TNPO1: variants seen among roughly 807,000 people sequenced by gnomAD.
The protein encoded by TNPO1 is transportin-1.
A neutral mutation model predicts 119.5 loss-of-function variants in TNPO1; 8 were observed. That is an observed-to-expected ratio of 0.07 (90% CI 0.04 to 0.12). TNPO1 has a LOEUF of 0.12. Among genes scored for constraint, TNPO1 ranks in the 10% least tolerant of loss-of-function variants. The pLI is 1.00. For synonymous variants in TNPO1, 362 were observed against 363.0 expected (o/e 1.00, Z 0.03); for missense variants, 576 against 1,089.8 (o/e 0.53, Z 6.64).
chr5:72,883,278 T>G (rs1398645648), intron 11 of TNPO1, 46 bp downstream of exon 11: 1 of 855,160 alleles, frequency 1.2e-6, no homozygotes, highest in South Asian at 1.4e-5. Context: ...TGATGATAAC[T>G]TTATTGGGGT....
intron 11 of TNPO1, among the ~76,000 whole-genome samples, chr5:72,885,857 A>T (rs921274117): frequency 2.0e-5 from 3 of 151,014 alleles, no homozygotes; most frequent in Non-Finnish European, 4.4e-5. Context: ...ATTTTGTACT[A>T]CTATAACAGG....
chr5:72,885,233 T>G (rs530978689), intron 11 of TNPO1, among the ~76,000 whole-genome samples: 101 of 152,312 alleles, frequency 6.6e-4, no homozygotes, highest in Admixed American at 2.6e-3. Context: ...ATACCCAAGG[T>G]TAGCATAGCT....
At chr5:72,871,008 C>A (rs371515061) in intron 6 of TNPO1, among the ~76,000 whole-genome samples, 1 of 152,090 alleles carries the variant, frequency 6.6e-6, no homozygotes, top group Admixed American at 6.5e-5. Context: ...CTCTCTCCAT[C>A]GCCCAGGCTA....
chr5:72,847,909 A>C (rs1034692094), intron 1 of TNPO1, among the ~76,000 whole-genome samples: 1 of 152,232 alleles, frequency 6.6e-6, no homozygotes, highest in Admixed American at 6.5e-5. Context: ...TTTTTCGTTA[A>C]TTCACCATGT....
chr5:72,903,560 T>A (rs928286925), intron 22 of TNPO1, 149 bp from the exon 23 acceptor site: 1 of 587,744 alleles, frequency 1.7e-6, no homozygotes, highest in Non-Finnish European at 2.9e-6. Flanking sequence ...GGTAATCTCT[T>A]CTAATTCCTT....
At chr5:72,859,980 TG>T (rs1253272822) in intron 4 of TNPO1, among the ~76,000 whole-genome samples, 1 of 152,220 alleles carries the variant, frequency 6.6e-6, no homozygotes, top group African/African-American at 2.4e-5. Context: ...TTGCTGCTTT[TG>T]GATCTTAATG....
chr5:72,879,710 G>A (rs1748085519), intron 9 of TNPO1, among the ~76,000 whole-genome samples: 4 of 152,208 alleles, frequency 2.6e-5, no homozygotes, highest in Admixed American at 2.6e-4. Flanking sequence ...TTTAGATAAT[G>A]TATTGACAGG....
chr5:72,816,731 G>A lies in TNPO1; in HGVS notation c.-7G>A, dbSNP rs777229547. On this transcript the variant is annotated 5_prime_UTR_variant, in exon 1 of 25. Transcript: ENST00000337273. ...GGCCGAAGGCCCGAGCGCCCGAGGC[G>A]TCTGGGATGGTGTGGGACCGGGTAG... The A allele has an allele frequency of 3.0e-5, 48 of 1,580,792 alleles. No individual in the cohort carries two copies. Among genetic ancestry groups the A allele is most frequent in the Admixed American group, 7.1e-5 (4 of 56,150 alleles).
intron 1 of TNPO1, among the ~76,000 whole-genome samples, chr5:72,829,194 C>T (rs547812426): frequency 6.6e-6 from 1 of 152,288 alleles, no homozygotes; most frequent in African/African-American, 2.4e-5. Context: ...AAGAGTGAAA[C>T]ATTGGAACCA....
At chr5:72,821,872 A>G (rs1743973361) in intron 1 of TNPO1, among the ~76,000 whole-genome samples, 1 of 152,214 alleles carries the variant, frequency 6.6e-6, no homozygotes, top group Admixed American at 6.5e-5. Flanking sequence ...TAAGCGGTTC[A>G]GGGGCCCTGA....
intron 6 of TNPO1, among the ~76,000 whole-genome samples, chr5:72,867,191 A>G (rs931157025): frequency 5.9e-5 from 9 of 151,916 alleles, no homozygotes; most frequent in Non-Finnish European, 8.8e-5. Flanking sequence ...ATTCCTTTCC[A>G]TGAATGTTGA....
At chr5:72,844,801 A>G (rs1188243223) in intron 1 of TNPO1, among the ~76,000 whole-genome samples, 1 of 152,136 alleles carries the variant, frequency 6.6e-6, no homozygotes, top group African/African-American at 2.4e-5. Context: ...TGCTTTTTAA[A>G]CTATATTTTA....
chr5:72,864,920 T>C (rs181434118), intron 5 of TNPO1, among the ~76,000 whole-genome samples: 53 of 152,140 alleles, frequency 3.5e-4, no homozygotes, highest in Non-Finnish European at 6.6e-4. Context: ...AAGTAACTTT[T>C]TAATGGTATT....
At chr5:72,842,581 T>C (rs1318633406) in intron 1 of TNPO1, among the ~76,000 whole-genome samples, 1 of 152,226 alleles carries the variant, frequency 6.6e-6, no homozygotes, top group Non-Finnish European at 1.5e-5. Flanking sequence ...TGGCTCTCTG[T>C]GAAACAGGAC....
chr5:72,858,713 T>C (rs1395909277), intron 4 of TNPO1, among the ~76,000 whole-genome samples: 1 of 152,028 alleles, frequency 6.6e-6, no homozygotes, highest in Non-Finnish European at 1.5e-5. Flanking sequence ...GGTGGGCACC[T>C]GTAGTCCCAG....
Position 72,914,276 on chromosome 5 carries a change from C to T in TNPO1, c.*5603C>T. Reference sequence around the variant, plus strand: ...GGGCCACCAAATATTTTGGATCATGCAGAGAATATATATTGTACTGTAGTA... The same window carrying T: ...GGGCCACCAAATATTTTGGATCATGTAGAGAATATATATTGTACTGTAGTA... On this transcript the variant is annotated 3_prime_UTR_variant, in exon 25 of 25. Coordinates refer to ENST00000337273, the MANE Select transcript of TNPO1 (RefSeq NM_002270.4). 6.6e-6 allele frequency: 1 copy of T among 152,526 alleles called. No individual in the cohort carries two copies. Among genetic ancestry groups the T allele is most frequent in the East Asian group, 1.9e-4 (1 of 5,200 alleles). 9.4% of individuals were successfully genotyped at this position (152,526 alleles called of 1,614,324 possible).
intron 1 of TNPO1, among the ~76,000 whole-genome samples, chr5:72,830,131 G>A (rs957819797): frequency 2.0e-5 from 3 of 152,132 alleles, no homozygotes; most frequent in Non-Finnish European, 4.4e-5. Flanking sequence ...AGTGAGTAGA[G>A]AAATAAAAGG....
chr5:72,900,270 G>A (rs1433796218), intron 21 of TNPO1, among the ~76,000 whole-genome samples, 189 bp downstream of exon 21: 1 of 152,012 alleles, frequency 6.6e-6, no homozygotes, highest in East Asian at 1.9e-4. Flanking sequence ...TTTATTTTAT[G>A]TTGTGGCTAA....
At position 72,875,610 on chromosome 5, in the gene TNPO1, A is replaced by C; in HGVS notation, c.679-5A>C. ...AACTAGAAAAAATTATTTCTTGTGC[A>C]ACAGAATCTCTTTGCATTAGCTGGT... On this transcript the variant is annotated splice_region_variant and splice_polypyrimidine_tract_variant and intron_variant, in intron 7 of 24. Transcript: ENST00000337273. 3 of 1,610,436 alleles carry C rather than the reference A, an allele frequency of 1.9e-6. No individual in the cohort carries two copies. Among genetic ancestry groups the C allele is most frequent in the Non-Finnish European group, 1.7e-6 (2 of 1,177,134 alleles).
Sources: gnomAD v4.1 joint callset for allele counts (sites outside exome capture counted in the v4.1 genomes callset) on GRCh38, gnomAD v4.1.1 for gene constraint, MANE v1.5 for transcripts, NCBI Gene and HGNC (gene_info 2026-07-23, HGNC 2026-07-21) for gene names.